Variants in CYSTM1 observed in about 807,000 individuals in gnomAD.
The protein encoded by CYSTM1 is cysteine rich transmembrane module containing 1, also known as cysteine-rich transmembrane module-containing protein 1.
Under a neutral mutation model 13.1 loss-of-function variants are expected in CYSTM1, and 4 were observed. The observed-to-expected ratio is 0.31, with a 90% CI of 0.15 to 0.70. The LOEUF (loss-of-function observed/expected upper bound fraction) is 0.70, where lower values mean the gene tolerates loss of function less well. Ranked by LOEUF, CYSTM1 falls within the 30% of genes least tolerant of loss-of-function variation. The pLI, the probability that CYSTM1 is intolerant of heterozygous loss-of-function variation, is 0.72. For synonymous variants in CYSTM1, 36 were observed against 42.7 expected, an observed-to-expected ratio of 0.84 and a Z score of 0.62; for missense variants, 96 against 121.6, an observed-to-expected ratio of 0.79 and a Z score of 0.99.
intron 1 of CYSTM1, among the ~76,000 whole-genome samples, chr5:140,189,365 C>T (rs1236632100): frequency 1.3e-5 from 2 of 151,462 alleles, no homozygotes; most frequent in Non-Finnish European, 2.9e-5. Flanking sequence ...GCCTGCTTCA[C>T]CCTTTGTCTT....
At chr5:140,234,969 ATTTT>A (rs33916926) in intron 2 of CYSTM1, among the ~76,000 whole-genome samples, 5 of 126,978 alleles carry the variant, frequency 3.9e-5, no homozygotes, top group Admixed American at 7.8e-5. Flanking sequence ...CTCATTCATA[ATTTT>A]TTTTTTTTTT....
chr5:140,185,628 G>A (rs78651664), intron 1 of CYSTM1, among the ~76,000 whole-genome samples: 2,413 of 152,322 alleles, frequency 0.016, 66 homozygotes, highest in African/African-American at 0.056. Context: ...TCTTGTCCAC[G>A]TTATGCTGAC....
chr5:140,183,467 C>G (rs1490525458), intron 1 of CYSTM1, among the ~76,000 whole-genome samples: 4 of 152,160 alleles, frequency 2.6e-5, no homozygotes, highest in Admixed American at 6.5e-5. Context: ...TCCTATATGT[C>G]CCAGTGACTA....
intron 2 of CYSTM1, among the ~76,000 whole-genome samples, chr5:140,241,641 G>A (rs1218907172): frequency 6.6e-6 from 1 of 152,206 alleles, no homozygotes; most frequent in African/African-American, 2.4e-5. Context: ...AAGGGGATCT[G>A]CATGCCATTG....
In CYSTM1 at chr5:140,194,609, G is replaced by A. The variant is rs551061509; in HGVS notation, c.144G>A (p.Gln48=). ...GGTACCCCTACCAAGGATACCCACAGTACGGCTGGCAGGGTGGACCTCAGG... is the reference window on the plus strand; with the variant it reads ...GGTACCCCTACCAAGGATACCCACAATACGGCTGGCAGGGTGGACCTCAGG... ...PQGYPYQGYP[Q]YGWQGGPQEP... The change falls in exon 2 of 3, where the codon CAG becomes CAA. Residue 48 remains glutamine, a synonymous_variant. Coordinates refer to ENST00000261811, the MANE Select transcript of CYSTM1 (RefSeq NM_032412.4). The A allele has an allele frequency of 2.2e-5, 36 of 1,613,500 alleles. No homozygotes were observed. In the African/African-American group the frequency reaches 4.3e-4, roughly 19 times the overall value.
intron 1 of CYSTM1, among the ~76,000 whole-genome samples, chr5:140,176,864 T>TCA (rs1309107482): frequency 2.0e-5 from 3 of 151,902 alleles, no homozygotes; most frequent in African/African-American, 7.3e-5. Flanking sequence ...GGTCAGGAGA[T>TCA]CGAGACCATC....
chr5:140,215,101 C>T (rs767492212), intron 2 of CYSTM1, among the ~76,000 whole-genome samples: 4 of 152,194 alleles, frequency 2.6e-5, no homozygotes, highest in Non-Finnish European at 5.9e-5. Context: ...TGAGAAGGAA[C>T]GTCTTGAAAA....
At chr5:140,220,881 A>G (rs564000814) in intron 2 of CYSTM1, among the ~76,000 whole-genome samples, 1 of 152,196 alleles carries the variant, frequency 6.6e-6, no homozygotes, top group East Asian at 1.9e-4. Flanking sequence ...TGCAGGATTG[A>G]TTCATGCTAC....
At chr5:140,222,914 C>T (rs911815311) in intron 2 of CYSTM1, among the ~76,000 whole-genome samples, 6 of 152,194 alleles carry the variant, frequency 3.9e-5, no homozygotes, top group South Asian at 4.1e-4. Flanking sequence ...GAAAACATCA[C>T]GGGCATACAG....
At chr5:140,214,528 G>A (rs1764406139) in intron 2 of CYSTM1, among the ~76,000 whole-genome samples, 1 of 152,190 alleles carries the variant, frequency 6.6e-6, no homozygotes, top group Non-Finnish European at 1.5e-5. Context: ...GTATTTTGAA[G>A]TCTGCTGCTT....
At chr5:140,218,797 T>A (rs1334729140) in intron 2 of CYSTM1, among the ~76,000 whole-genome samples, 2 of 152,210 alleles carry the variant, frequency 1.3e-5, no homozygotes, top group African/African-American at 4.8e-5. Context: ...GTCCTTCTGC[T>A]CTATCTCTTA....
chr5:140,190,637 A>G (rs371961347), intron 1 of CYSTM1, among the ~76,000 whole-genome samples: 4 of 152,150 alleles, frequency 2.6e-5, no homozygotes, highest in South Asian at 2.1e-4. Context: ...CTCCATCTCT[A>G]CTTTGATGAG....
chr5:140,231,368 AG>A (rs1362364659), intron 2 of CYSTM1, among the ~76,000 whole-genome samples: 1 of 152,192 alleles, frequency 6.6e-6, no homozygotes, highest in Non-Finnish European at 1.5e-5. Context: ...TGAGGGGAGC[AG>A]TTCTTCAGTC....
chr5:140,176,336 T>G (rs1186854925), intron 1 of CYSTM1, among the ~76,000 whole-genome samples: 3 of 152,170 alleles, frequency 2.0e-5, no homozygotes, highest in African/African-American at 7.2e-5. Context: ...GCCAGGTGCC[T>G]TTTTCAGCCA....
At chr5:140,202,278 A>G (rs1245596445) in intron 2 of CYSTM1, 1 of 152,204 alleles carries the variant, frequency 6.6e-6, no homozygotes, top group Non-Finnish European at 1.5e-5. Flanking sequence ...TCTTATTGAA[A>G]TAAGAGCAGT....
chr5:140,241,613 A>G (rs1056460351), intron 2 of CYSTM1, among the ~76,000 whole-genome samples: 1 of 152,216 alleles, frequency 6.6e-6, no homozygotes, highest in African/African-American at 2.4e-5. Context: ...CAGGGAGAGC[A>G]CAGGGAAGGG....
intron 2 of CYSTM1, among the ~76,000 whole-genome samples, chr5:140,218,446 G>C (rs1436664331): frequency 6.6e-6 from 1 of 152,160 alleles, no homozygotes; most frequent in Non-Finnish European, 1.5e-5. Flanking sequence ...TGTATACTAG[G>C]CACTGGCCTA....
At chr5:140,208,982 T>C (rs1192998066) in intron 2 of CYSTM1, among the ~76,000 whole-genome samples, 2 of 148,456 alleles carry the variant, frequency 1.3e-5, no homozygotes, top group African/African-American at 2.5e-5. Flanking sequence ...GAGGTTGCAG[T>C]GAGCCGAGAT....
At chr5:140,182,750 C>A (rs998149048) in intron 1 of CYSTM1, among the ~76,000 whole-genome samples, 4 of 151,918 alleles carry the variant, frequency 2.6e-5, no homozygotes, top group Admixed American at 6.5e-5. Context: ...TTTTTTTCCC[C>A]CAATCTTCAT....
Sources: allele counts gnomAD v4.1 joint callset (sites outside exome capture counted in the v4.1 genomes callset), GRCh38; gene constraint gnomAD v4.1.1; transcripts MANE v1.5; gene names NCBI Gene and HGNC (gene_info 2026-07-23, HGNC 2026-07-21).